Variants in RHEB observed in about 807,000 individuals in gnomAD.
RHEB encodes the protein Ras homolog, mTORC1 binding.
Under a neutral mutation model 28.8 loss-of-function variants are expected in RHEB, and 2 were observed. That is an observed-to-expected ratio of 0.07 (90% CI 0.03 to 0.22). The LOEUF is 0.22. Ranked by LOEUF, RHEB falls within the 10% of genes least tolerant of loss-of-function variation. The pLI is 1.00. For synonymous variants in RHEB, 69 were observed against 77.3 expected (o/e 0.89, Z 0.56); for missense variants, 76 against 219.9 (o/e 0.35, Z 4.14).
intron 1 of RHEB, among the ~76,000 whole-genome samples, chr7:151,516,622 C>CAAAAAAA (rs551863062): frequency 1.2e-4 from 11 of 91,962 alleles, no homozygotes; most frequent in Non-Finnish European, 1.9e-4. Flanking sequence ...GACTCTGTCA[C>CAAAAAAA]AAAAAAAAAA....
chr7:151,491,157 G>T, intron 1 of RHEB, 143 bp from the exon 2 acceptor site: 1 of 601,296 alleles, frequency 1.7e-6, no homozygotes, highest in Non-Finnish European at 2.9e-6. Context: ...TAGCATGTGA[G>T]CAATTTCAAA....
At chr7:151,497,969 T>C in intron 1 of RHEB, 1 of 451,136 alleles carries the variant, frequency 2.2e-6, no homozygotes, top group South Asian at 1.7e-5. Context: ...CCCTTTGCTC[T>C]CAGTGTTACA....
rs547435177 is a variant in RHEB at position 151,519,413 on chromosome 7, C to A, written c.52+47G>T. The A allele has an allele frequency of 6.0e-6, 8 of 1,339,476 alleles. No individual in the cohort carries two copies. In the East Asian group the frequency reaches 2.3e-4, roughly 38 times the overall value. The allele number at this position is 1,339,476 out of a possible 1,614,324, so 83.0% of individuals were successfully genotyped here. A position where few individuals can be genotyped will look rare whatever the true frequency, so the allele number is the denominator to read the frequency against. On this transcript the variant is annotated intron_variant, in intron 1 of 7. Coordinates refer to ENST00000262187, the MANE Select transcript of RHEB (RefSeq NM_005614.4). ...GCCCGGCCGCGACCCGGCTCCCAGG[C>A]GAGGCCCCGGCGGCGCGAGGAGGCC...
At position 151,514,522 on chromosome 7, in the gene RHEB, G is replaced by A. The variant is rs556687880; in HGVS notation, c.52+4938C>T. 5.2e-3 allele frequency among the ~76,000 whole-genome samples: 795 copies of A among 152,262 alleles called. 11 individuals are homozygous for A. Among genetic ancestry groups the A allele is most frequent in the African/African-American group, 0.018 (760 of 41,544 alleles). ...AAATGAAAAAGGCAGTGTAACAATT[G>A]TTGACGAGAATGTGGAGAAAATTAA... On this transcript the variant is annotated intron_variant, in intron 1 of 7. Transcript: ENST00000262187.
chr7:151,471,319 G>T, intron 6 of RHEB, 75 bp downstream of exon 6: 2 of 973,330 alleles, frequency 2.1e-6, no homozygotes, highest in South Asian at 2.9e-5. Flanking sequence ...AAATATTCTT[G>T]ACATCAGAAC....
Position 151,516,093 on chromosome 7 carries a change from A to G in RHEB, c.52+3367T>C, listed in dbSNP as rs1183674085. On this transcript the variant is annotated intron_variant, in intron 1 of 7. Coordinates refer to ENST00000262187, the MANE Select transcript of RHEB (RefSeq NM_005614.4). ...GGGACTACTCCGTTGTGGTAGAAATAACGGAATGTCAGGGAGCTGGTACTT... is the reference window on the plus strand; with the variant it reads ...GGGACTACTCCGTTGTGGTAGAAATGACGGAATGTCAGGGAGCTGGTACTT... Among the ~76,000 whole-genome samples the G allele has an allele frequency of 2.6e-5, 4 of 152,298 alleles. No individual in the cohort carries two copies. In the East Asian group the frequency reaches 7.7e-4, roughly 29 times the overall value.
At chr7:151,494,416 A>G (rs1477885044) in intron 1 of RHEB, among the ~76,000 whole-genome samples, 1 of 152,258 alleles carries the variant, frequency 6.6e-6, no homozygotes, top group African/African-American at 2.4e-5. Context: ...AGTTACACAC[A>G]TTAAACAAGA....
intron 4 of RHEB, among the ~76,000 whole-genome samples, chr7:151,473,662 C>T (rs1168347379): frequency 2.0e-5 from 3 of 152,130 alleles, no homozygotes; most frequent in Non-Finnish European, 2.9e-5. Flanking sequence ...TCTCATACTC[C>T]CTCATGTCTC....
intron 1 of RHEB, among the ~76,000 whole-genome samples, chr7:151,511,698 C>T (rs987667456): frequency 6.7e-6 from 1 of 149,200 alleles, no homozygotes; most frequent in Non-Finnish European, 1.5e-5. Flanking sequence ...CTTGCTCTGT[C>T]GCCCAGTGGC....
At chr7:151,514,516 A>G (rs946122713) in intron 1 of RHEB, among the ~76,000 whole-genome samples, 12 of 152,198 alleles carry the variant, frequency 7.9e-5, no homozygotes, top group Admixed American at 7.2e-4. Context: ...AGGCAGTGTA[A>G]CAATTGTTGA....
chr7:151,494,811 G>A (rs557345656), intron 1 of RHEB, among the ~76,000 whole-genome samples: 1 of 152,288 alleles, frequency 6.6e-6, no homozygotes, highest in East Asian at 1.9e-4. Context: ...AATCCAGAAG[G>A]GATAGGAAGG....
intron 1 of RHEB, among the ~76,000 whole-genome samples, chr7:151,515,943 T>C (rs78497709): frequency 0.033 from 5,036 of 152,270 alleles, 269 homozygotes; most frequent in African/African-American, 0.11. Flanking sequence ...CAGCTTTTAA[T>C]TATGGTCTAA....
intron 4 of RHEB, among the ~76,000 whole-genome samples, chr7:151,473,862 T>A (rs972659511): frequency 2.6e-5 from 4 of 152,242 alleles, no homozygotes; most frequent in Admixed American, 2.6e-4. Context: ...TACTGTGAGT[T>A]GATCTACTAA....
intron 7 of RHEB, 51 bp from the exon 8 acceptor site, chr7:151,467,262 G>A (rs17635434): frequency 0.48 from 647,754 of 1,350,118 alleles, 162,461 homozygotes; most frequent in South Asian, 0.55. Flanking sequence ...GCCGAACTCC[G>A]AGAGTATTTT....
intron 4 of RHEB, among the ~76,000 whole-genome samples, chr7:151,475,332 A>G (rs1302210387): frequency 6.6e-6 from 1 of 152,262 alleles, no homozygotes; most frequent in Non-Finnish European, 1.5e-5. Context: ...AATGCCTCAA[A>G]GTAACAATTT....
Position 151,491,013 on chromosome 7 carries a change from C to A in RHEB, c.54G>T (p.Gly18=). The part of the protein sequence containing the change: ...KIAILGYRSV[G]KSSLTIQFVE... ...CAAATTGAATCGTCAATGAGGATTT[C>A]CCTATAAAAGAGAACAAGAGCTTAG... is the stretch of plus-strand genomic sequence containing the variant. The change falls in exon 2 of 8, where the codon GGG becomes GGT. Residue 18 remains glycine, a splice_region_variant and synonymous_variant. Transcript: ENST00000262187. 6.2e-7 allele frequency: 1 copy of A among 1,610,102 alleles called. No homozygotes were observed. Among genetic ancestry groups the A allele is most frequent in the Non-Finnish European group, 8.5e-7 (1 of 1,178,010 alleles).
At chr7:151,482,172 C>T (rs1802390298) in intron 3 of RHEB, among the ~76,000 whole-genome samples, 1 of 152,188 alleles carries the variant, frequency 6.6e-6, no homozygotes, top group African/African-American at 2.4e-5. Flanking sequence ...CTCTTTAACC[C>T]CAATGTGACA....
At chr7:151,507,555 C>T (rs1009935970) in intron 1 of RHEB, among the ~76,000 whole-genome samples, 1 of 152,116 alleles carries the variant, frequency 6.6e-6, no homozygotes, top group African/African-American at 2.4e-5. Flanking sequence ...AAAAGTGAGA[C>T]ACCGTTAGAG....
At chr7:151,490,756 G>A (rs1207225921) in intron 2 of RHEB, among the ~76,000 whole-genome samples, 187 bp downstream of exon 2, 2 of 152,174 alleles carry the variant, frequency 1.3e-5, no homozygotes, top group East Asian at 1.9e-4. Flanking sequence ...TAGATGGCAG[G>A]GGATGCAGAC....
Sources: allele counts gnomAD v4.1 joint callset (sites outside exome capture counted in the v4.1 genomes callset), GRCh38; gene constraint gnomAD v4.1.1; transcripts MANE v1.5; gene names NCBI Gene and HGNC (gene_info 2026-07-23, HGNC 2026-07-21).